Variants in ASIC2 observed in about 807,000 individuals in gnomAD.
ASIC2 encodes acid-sensing ion channel 2.
ASIC2 carries 25 observed loss-of-function variants against 57.3 expected under a neutral mutation model. The ratio of observed to expected loss-of-function variants is 0.44; its 90% CI spans 0.32 to 0.61. ASIC2 has a LOEUF of 0.61. ASIC2 is among the 20% of genes least tolerant of loss of function. The probability of loss-of-function intolerance (pLI) is 0.06; values close to 1 mark genes in which losing one functional copy is unlikely to be tolerated. For synonymous variants in ASIC2, 319 were observed against 307.5 expected (o/e 1.04, Z -0.39); for missense variants, 641 against 738.1 (o/e 0.87, Z 1.52).
chr17:34,061,853 A>C (rs1908983189), intron 1 of ASIC2, among the ~76,000 whole-genome samples: 1 of 152,212 alleles, frequency 6.6e-6, no homozygotes, highest in South Asian at 2.1e-4. Context: ...CGCATCTAAC[A>C]CTGAAGCTCC....
chr17:33,884,541 T>A (rs983268272), intron 1 of ASIC2, among the ~76,000 whole-genome samples: 12 of 152,120 alleles, frequency 7.9e-5, no homozygotes, highest in Admixed American at 6.6e-4. Context: ...ATGCCCCACA[T>A]CCCAGCATTA....
At chr17:33,134,229 AG>A (rs1219690511) in intron 1 of ASIC2, among the ~76,000 whole-genome samples, 3 of 152,244 alleles carry the variant, frequency 2.0e-5, no homozygotes, top group Non-Finnish European at 4.4e-5. Context: ...AAGCTCAGAA[AG>A]GTTAAGTCAG....
chr17:33,488,174 G>T (rs1423269947), intron 1 of ASIC2, among the ~76,000 whole-genome samples: 1 of 152,186 alleles, frequency 6.6e-6, no homozygotes, highest in East Asian at 1.9e-4. Flanking sequence ...TACCAAGTGA[G>T]AGGCAGAGGC....
chr17:33,909,865 C>T (rs1202145555), intron 1 of ASIC2, among the ~76,000 whole-genome samples: 7 of 152,110 alleles, frequency 4.6e-5, no homozygotes, highest in Non-Finnish European at 8.8e-5. Context: ...TTTCTCTCAT[C>T]CCCTGAAGAG....
chr17:34,104,331 G>A (rs1274193883), intron 1 of ASIC2, among the ~76,000 whole-genome samples: 1 of 151,986 alleles, frequency 6.6e-6, no homozygotes, highest in Non-Finnish European at 1.5e-5. Context: ...AATCGTTCTA[G>A]GAGTTTTCTT....
chr17:33,410,242 C>T (rs1185020197), intron 1 of ASIC2, among the ~76,000 whole-genome samples: 1 of 152,062 alleles, frequency 6.6e-6, no homozygotes, highest in Admixed American at 6.6e-5. Flanking sequence ...GCCACAGCAC[C>T]CAGAAATCAC....
intron 1 of ASIC2, among the ~76,000 whole-genome samples, chr17:34,011,946 A>G (rs1318825067): frequency 6.6e-6 from 1 of 152,186 alleles, no homozygotes; most frequent in Non-Finnish European, 1.5e-5. Flanking sequence ...TCTCAGGTCA[A>G]TAGCAGTCAG....
At chr17:33,021,177 C>CCAAATTGT in intron 7 of ASIC2, 42 bp downstream of exon 7, 1 of 1,017,024 alleles carries the variant, frequency 9.8e-7, no homozygotes, top group Non-Finnish European at 1.5e-6. Context: ...CCCTCCCACC[C>CCAAATTGT]TCTATGAGAT....
chr17:33,988,104 A>G (rs1905881841), intron 1 of ASIC2, among the ~76,000 whole-genome samples: 1 of 152,190 alleles, frequency 6.6e-6, no homozygotes, highest in Non-Finnish European at 1.5e-5. Context: ...GGAAGAGCAT[A>G]CATAAGAGAC....
At chr17:33,973,951 A>G (rs1156596786) in intron 1 of ASIC2, among the ~76,000 whole-genome samples, 1 of 151,990 alleles carries the variant, frequency 6.6e-6, no homozygotes, top group Non-Finnish European at 1.5e-5. Flanking sequence ...TCCATGCATC[A>G]TCCTCCCACC....
Position 33,028,290 on chromosome 17 carries a change from T to C in ASIC2, c.1090A>G (p.Thr364Ala). Residue 364 changes from threonine to alanine, a missense_variant, in exon 4 of 10, where the codon ACC (threonine) becomes GCC (alanine). Transcript: ENST00000225823. ...SITACRIDCE[T>A]RYIVENCNCR... is the part of the protein sequence containing the mutation. ...TTGCAGTTTTCCACAATGTAGCGGG[T>C]CTCACAGTCAATCCTACAGGCGGTG... 1 of 1,614,064 alleles carries C rather than the reference T, an allele frequency of 6.2e-7. No homozygotes were observed.
chr17:33,263,453 G>C (rs1157486502), intron 1 of ASIC2, among the ~76,000 whole-genome samples: 1 of 152,206 alleles, frequency 6.6e-6, no homozygotes, highest in Non-Finnish European at 1.5e-5. Context: ...ATTGACAAAA[G>C]CAGAGATGCT....
intron 1 of ASIC2, among the ~76,000 whole-genome samples, chr17:33,579,010 G>T (rs1016879625): frequency 3.9e-5 from 6 of 152,140 alleles, no homozygotes; most frequent in African/African-American, 1.4e-4. Flanking sequence ...TAATGGTCAG[G>T]TGCGCTGTCT....
intron 1 of ASIC2, among the ~76,000 whole-genome samples, chr17:33,857,971 G>A (rs1914006988): frequency 6.6e-6 from 1 of 152,230 alleles, no homozygotes; most frequent in African/African-American, 2.4e-5. Context: ...CCTCTGTCCA[G>A]CTCCTCAGGC....
Position 33,021,201 on chromosome 17 carries a change from C to T in ASIC2, c.1441+18G>A, listed in dbSNP as rs778628669. 1.7e-5 allele frequency: 12 copies of T among 696,852 alleles called. No homozygotes were observed. The highest frequency in any genetic ancestry group is 2.6e-5 in the Non-Finnish European group (11 of 418,004). The allele number at this position is 696,852 out of a possible 1,614,324, so 43.2% of individuals were successfully genotyped here. On this transcript the variant is annotated intron_variant, in intron 7 of 9. Transcript: ENST00000225823. ...CCTCTATGAGATGTGGAAATTTGTG[C>T]AATAGACACTGACTTACCAAGTAAG...
chr17:33,171,667 A>G (rs1905526823), intron 1 of ASIC2, among the ~76,000 whole-genome samples: 1 of 152,178 alleles, frequency 6.6e-6, no homozygotes, highest in Non-Finnish European at 1.5e-5. Context: ...CAAAACACAA[A>G]TCTGATCAAG....
chr17:33,910,641 G>T (rs1217837045), intron 1 of ASIC2, among the ~76,000 whole-genome samples: 2 of 152,098 alleles, frequency 1.3e-5, no homozygotes, highest in Non-Finnish European at 2.9e-5. Flanking sequence ...GGGCAGATCT[G>T]GTGCATTCAT....
rs190780487 is a variant in ASIC2, at chr17:33,728,994, A to G, written c.555+426984T>C. Among the ~76,000 whole-genome samples the G allele has an allele frequency of 8.8e-4, 134 of 152,346 alleles. 3 individuals carry two copies. Among genetic ancestry groups the G allele is most frequent in the African/African-American group, 3.0e-3 (123 of 41,574 alleles). On this transcript the variant is annotated intron_variant, in intron 1 of 9. Transcript: ENST00000359872. ...CCCCGACAACATAATCAAATTGCAC[A>G]GATTCAAGTTCATTGGTCTCAATCC...
intron 1 of ASIC2, among the ~76,000 whole-genome samples, chr17:33,770,428 A>G (rs1911062077): frequency 6.6e-6 from 1 of 152,314 alleles, no homozygotes; most frequent in East Asian, 1.9e-4. Flanking sequence ...ATACAGGCTT[A>G]ATGTAGGCTT....
Sources: allele counts gnomAD v4.1 joint callset (sites outside exome capture counted in the v4.1 genomes callset), GRCh38; gene constraint gnomAD v4.1.1; transcripts MANE v1.5; gene names NCBI Gene and HGNC (gene_info 2026-07-23, HGNC 2026-07-21).